Variants in WWOX observed in about 807,000 individuals in gnomAD.
WWOX encodes WW domain containing oxidoreductase, also known as WW domain-containing oxidoreductase.
In WWOX, 69 loss-of-function variants were observed where a neutral mutation model predicts 46.2. The ratio of observed to expected loss-of-function variants is 1.49; its 90% CI spans 1.23 to 1.82. The LOEUF is 1.82. Ranked by LOEUF, WWOX falls within the 40% of genes most tolerant of loss-of-function variation. The pLI, the probability that WWOX is intolerant of heterozygous loss-of-function variation, is 0.00. For missense variants in WWOX, 919 were observed against 542.6 expected, an observed-to-expected ratio of 1.69 and a Z score of -6.89; for synonymous variants, 359 against 202.6, an observed-to-expected ratio of 1.77 and a Z score of -6.56.
intron 8 of WWOX, among the ~76,000 whole-genome samples, chr16:78,556,129 A>C (rs1189167786): frequency 2.0e-5 from 3 of 152,090 alleles, no homozygotes; most frequent in Admixed American, 6.5e-5. Context: ...GACCACAGAC[A>C]GGCTTTTTCA....
At chr16:78,319,278 C>T (rs537612775) in intron 5 of WWOX, among the ~76,000 whole-genome samples, 62 of 150,158 alleles carry the variant, frequency 4.1e-4, no homozygotes, top group Admixed American at 1.1e-3. Context: ...TTGCTGATGT[C>T]GTTTTACTAT....
chr16:78,939,835 A>G (rs780872767), intron 8 of WWOX, among the ~76,000 whole-genome samples: 3 of 152,212 alleles, frequency 2.0e-5, no homozygotes, highest in Admixed American at 1.3e-4. Flanking sequence ...TCAAGGTGAC[A>G]TAGGTCTGGC....
chr16:78,399,017 TGGC>T (rs1191884788), intron 6 of WWOX, among the ~76,000 whole-genome samples: 2 of 148,132 alleles, frequency 1.4e-5, no homozygotes, highest in African/African-American at 5.3e-5. Context: ...AGTGGCTGGC[TGGC>T]TAGATGGATA....
At chr16:78,990,494 G>A (rs1210435620) in intron 8 of WWOX, among the ~76,000 whole-genome samples, 1 of 152,184 alleles carries the variant, frequency 6.6e-6, no homozygotes, top group East Asian at 1.9e-4. Flanking sequence ...CAAACTCTGT[G>A]GCCTGCATTC....
chr16:79,063,599 G>T (rs1280245967), intron 8 of WWOX, among the ~76,000 whole-genome samples: 1 of 152,182 alleles, frequency 6.6e-6, no homozygotes, highest in African/African-American at 2.4e-5. Context: ...ACAAGGTTGG[G>T]TCTACTTTGG....
At chr16:78,608,521 G>T (rs920234728) in intron 8 of WWOX, among the ~76,000 whole-genome samples, 2 of 152,294 alleles carry the variant, frequency 1.3e-5, no homozygotes, top group African/African-American at 4.8e-5. Flanking sequence ...TCTCCCTGCT[G>T]TTGGGAGGTT....
intron 8 of WWOX, among the ~76,000 whole-genome samples, chr16:78,591,004 C>T (rs1267125581): frequency 2.6e-5 from 4 of 152,232 alleles, no homozygotes; most frequent in East Asian, 1.9e-4. Context: ...ACAAGGCGCT[C>T]AACTCACGGT....
intron 4 of WWOX, among the ~76,000 whole-genome samples, chr16:78,159,788 C>G (rs957585469): frequency 2.7e-5 from 4 of 149,612 alleles, no homozygotes. Flanking sequence ...TGTAGCTTGC[C>G]CTTTCAGTGT....
chr16:78,511,389 C>T (rs982581350), intron 8 of WWOX, among the ~76,000 whole-genome samples: 4 of 152,256 alleles, frequency 2.6e-5, no homozygotes, highest in African/African-American at 7.2e-5. Flanking sequence ...ACACCAGAAA[C>T]GTCCAGCTGA....
In WWOX at chr16:78,432,830, C is replaced by G. The variant is rs181793064; in HGVS notation, c.1056+78C>G. ...CACACTTGTGTCTCCACCTTTTTAC[C>G]TCTTGCGGGCATGAGTCTGGTCTCA... On this transcript the variant is annotated intron_variant, in intron 8 of 8. Coordinates refer to ENST00000566780, the MANE Select transcript of WWOX (RefSeq NM_016373.4). The G allele has an allele frequency of 9.3e-5, 149 of 1,604,170 alleles. No homozygotes were observed. The East Asian group carries it at 3.3e-3, about 35-fold the overall frequency.
chr16:78,784,298 C>T (rs974213157), intron 8 of WWOX, among the ~76,000 whole-genome samples: 1 of 152,062 alleles, frequency 6.6e-6, no homozygotes, highest in South Asian at 2.1e-4. Flanking sequence ...AAAGAGACAG[C>T]CAGTCAAGCC....
At chr16:78,564,514 G>A (rs1274061605) in intron 8 of WWOX, among the ~76,000 whole-genome samples, 1 of 152,168 alleles carries the variant, frequency 6.6e-6, no homozygotes, top group Admixed American at 6.5e-5. Flanking sequence ...GGATCTAATG[G>A]GAGGGGTAGA....
chr16:78,368,359 C>A (rs998935596), intron 5 of WWOX, among the ~76,000 whole-genome samples: 2 of 152,162 alleles, frequency 1.3e-5, no homozygotes, highest in African/African-American at 4.8e-5. Context: ...TCCCCACATG[C>A]CCTTCTGGGG....
chr16:79,001,910 C>T (rs763974136), intron 8 of WWOX, among the ~76,000 whole-genome samples: 44 of 152,108 alleles, frequency 2.9e-4, no homozygotes, highest in Non-Finnish European at 5.1e-4. Flanking sequence ...ATCTTAATTA[C>T]CAGCAGTCCA....
intron 6 of WWOX, among the ~76,000 whole-genome samples, chr16:78,400,590 C>G (rs182272104): frequency 6.6e-6 from 1 of 151,998 alleles, no homozygotes; most frequent in Non-Finnish European, 1.5e-5. Flanking sequence ...GCCCATGAAT[C>G]CAGCTTGGTT....
chr16:78,876,901 C>T (rs111995223), intron 8 of WWOX, among the ~76,000 whole-genome samples: 154 of 152,254 alleles, frequency 1.0e-3, no homozygotes, highest in African/African-American at 3.6e-3. Context: ...CTCTGAATTC[C>T]TACAGGAAAT....
chr16:78,128,598 C>T (rs552645656), intron 4 of WWOX, among the ~76,000 whole-genome samples: 1 of 152,290 alleles, frequency 6.6e-6, no homozygotes, highest in East Asian at 1.9e-4. Context: ...CGGGATGCTC[C>T]TTGCTTATAT....
At chr16:78,840,705 T>C (rs1484187464) in intron 8 of WWOX, among the ~76,000 whole-genome samples, 1 of 152,058 alleles carries the variant, frequency 6.6e-6, no homozygotes, top group Non-Finnish European at 1.5e-5. Flanking sequence ...CTTTGTTTCC[T>C]TTTCTTATTT....
In WWOX at chr16:78,981,988, T is replaced by A. The variant is rs549290900; in HGVS notation, c.1057-229620T>A. ...CCAGAACATTGAAGGCTCCAGTGTT[T>A]TGACTGGCAGAATCTCAGTTTCAAC... On this transcript the variant is annotated intron_variant, in intron 8 of 8. Coordinates refer to ENST00000566780, the MANE Select transcript of WWOX (RefSeq NM_016373.4). 3.3e-5 allele frequency: 5 copies of A among 152,262 alleles called. 1 individual carries two copies. The East Asian group carries it at 7.7e-4, about 24-fold the overall frequency. 9.4% of individuals were successfully genotyped at this position (152,262 alleles called of 1,614,324 possible). A position where few individuals can be genotyped will look rare whatever the true frequency, so the allele number is the denominator to read the frequency against.
Sources: gnomAD v4.1 joint callset for allele counts (sites outside exome capture counted in the v4.1 genomes callset) on GRCh38, gnomAD v4.1.1 for gene constraint, MANE v1.5 for transcripts, NCBI Gene and HGNC (gene_info 2026-07-23, HGNC 2026-07-21) for gene names.